The following PAK1 variants were observed in gnomAD, a reference collection of about 807,000 sequenced individuals.
The protein encoded by PAK1 is serine/threonine-protein kinase PAK 1.
In PAK1, 29 loss-of-function variants were observed where a neutral mutation model predicts 67.4. The observed-to-expected ratio is 0.43, with a 90% CI of 0.32 to 0.59. The LOEUF (loss-of-function observed/expected upper bound fraction) is 0.59. PAK1 is among the 20% of genes least tolerant of loss of function. The pLI, the probability that PAK1 is intolerant of heterozygous loss-of-function variation, is 0.07. For synonymous variants in PAK1, 223 were observed against 237.4 expected, an observed-to-expected ratio of 0.94 and a Z score of 0.56; for missense variants, 337 against 670.7, an observed-to-expected ratio of 0.50 and a Z score of 5.50.
At chr11:77,373,760 G>C (rs1265459580) in intron 5 of PAK1, among the ~76,000 whole-genome samples, 1 of 152,122 alleles carries the variant, frequency 6.6e-6, no homozygotes, top group Admixed American at 6.6e-5. Context: ...ACATCCATTT[G>C]AGTGTCAAAG....
the PAK1 span, among the ~76,000 whole-genome samples, chr11:77,493,445 ATTTTTTTT>A: frequency 2.8e-5 from 2 of 70,964 alleles, no homozygotes; most frequent in Admixed American, 1.6e-4. Context: ...TGCCCAGCTA[ATTTTTTTT>A]TTTTTTTTTT....
At chr11:77,413,663 A>C (rs1222100666) in intron 1 of PAK1, among the ~76,000 whole-genome samples, 1 of 152,052 alleles carries the variant, frequency 6.6e-6, no homozygotes, top group East Asian at 1.9e-4. Flanking sequence ...AGCCTGGGCA[A>C]CAAGAGCGAA....
chr11:77,400,254 G>A (rs1021065260), intron 1 of PAK1, among the ~76,000 whole-genome samples: 1 of 152,150 alleles, frequency 6.6e-6, no homozygotes, highest in African/African-American at 2.4e-5. Context: ...GTGGCAGAAT[G>A]CAACATAAAG....
the PAK1 span, among the ~76,000 whole-genome samples, chr11:77,516,080 C>G: frequency 4.1e-3 from 632 of 152,296 alleles, 5 homozygotes; most frequent in Middle Eastern, 0.014. Flanking sequence ...GCAATTTGGT[C>G]AAGTCACTTA....
chr11:77,493,445 ATTTTTTTTT>A, the PAK1 span, among the ~76,000 whole-genome samples: 284 of 70,944 alleles, frequency 4.0e-3, 4 homozygotes, highest in African/African-American at 0.019. Context: ...TGCCCAGCTA[ATTTTTTTTT>A]TTTTTTTTTT....
intron 1 of PAK1, among the ~76,000 whole-genome samples, chr11:77,392,817 C>A (rs1269486517): frequency 6.6e-6 from 1 of 152,176 alleles, no homozygotes; most frequent in Non-Finnish European, 1.5e-5. Context: ...TAGTTGAAAG[C>A]AGAAATTTGG....
the PAK1 span, among the ~76,000 whole-genome samples, chr11:77,516,835 T>A: frequency 1.7e-5 from 1 of 59,572 alleles, no homozygotes; most frequent in Non-Finnish European, 3.1e-5. Context: ...AGACCCCATC[T>A]CTCAAAAAAA....
At chr11:77,427,191 TGTCTCTGCAGAGACAGACTGAGG>T (rs1032010982) in intron 1 of PAK1, among the ~76,000 whole-genome samples, 3 of 152,182 alleles carry the variant, frequency 2.0e-5, no homozygotes, top group African/African-American at 7.2e-5. Context: ...TCAGCCTAAG[TGTCTCTGCAGAGACAGACTGAGG>T]GTCTCTGCAG....
intron 1 of PAK1, among the ~76,000 whole-genome samples, chr11:77,421,423 C>T (rs774301108): frequency 1.3e-5 from 2 of 152,210 alleles, no homozygotes; most frequent in African/African-American, 4.8e-5. Context: ...CCCCTCTACT[C>T]TATATCAGCA....
chr11:77,365,045 G>A lies in PAK1; in HGVS notation c.478-6028C>T, dbSNP rs553183410. 1.1e-4 allele frequency among the ~76,000 whole-genome samples: 17 copies of A among 152,042 alleles called. No homozygotes were observed. The East Asian group carries it at 1.9e-3, about 17-fold the overall frequency. On this transcript the variant is annotated intron_variant, in intron 5 of 14. Coordinates refer to ENST00000356341, the MANE Select transcript of PAK1 (RefSeq NM_002576.5). ...GGGCGGATCACGAAGTCAGGAGTTC[G>A]AGACCAGCCTGGCCAATATGGTGAA...
chr11:77,436,207 A>AGG (rs1956123649), intron 1 of PAK1, among the ~76,000 whole-genome samples: 1 of 152,198 alleles, frequency 6.6e-6, no homozygotes, highest in Non-Finnish European at 1.5e-5. Flanking sequence ...CTCAGCAGAC[A>AGG]CTTACTCTAT....
At chr11:77,385,169 T>TC (rs1950297115) in intron 2 of PAK1, among the ~76,000 whole-genome samples, 1 of 152,200 alleles carries the variant, frequency 6.6e-6, no homozygotes, top group African/African-American at 2.4e-5. Context: ...AGGGTATTCC[T>TC]CCTCACCACT....
intron 1 of PAK1, among the ~76,000 whole-genome samples, chr11:77,397,423 C>G (rs1187235187): frequency 6.6e-6 from 1 of 152,188 alleles, no homozygotes; most frequent in Non-Finnish European, 1.5e-5. Context: ...GCCATCGCCC[C>G]TGTAGAAGTC....
chr11:77,355,947 T>C, intron 6 of PAK1, 105 bp from the exon 7 acceptor site: 1 of 681,098 alleles, frequency 1.5e-6, no homozygotes, highest in Admixed American at 2.7e-5. Context: ...CCCAATAAAC[T>C]CATCCTTTCT....
At chr11:77,520,974 G>C in the PAK1 span, among the ~76,000 whole-genome samples, 1 of 152,138 alleles carries the variant, frequency 6.6e-6, no homozygotes, top group African/African-American at 2.4e-5. Context: ...GAAGGCCAAG[G>C]GAGTGGGAGT....
chr11:77,513,207 C>T, the PAK1 span, among the ~76,000 whole-genome samples: 125 of 152,178 alleles, frequency 8.2e-4, no homozygotes, highest in African/African-American at 2.7e-3. Flanking sequence ...CCTCATTTTT[C>T]TCATTTGTAT....
chr11:77,377,843 T>G (rs1949299660), intron 4 of PAK1, among the ~76,000 whole-genome samples: 1 of 152,200 alleles, frequency 6.6e-6, no homozygotes, highest in East Asian at 1.9e-4. Flanking sequence ...TAGAAAACTT[T>G]CCCACTCAGT....
intron 1 of PAK1, among the ~76,000 whole-genome samples, chr11:77,395,906 C>T (rs960263382): frequency 6.6e-6 from 1 of 152,172 alleles, no homozygotes; most frequent in East Asian, 1.9e-4. Context: ...CCTCAGCTCC[C>T]GCAAGAGAAC....
At chr11:77,402,502 C>G (rs190689517) in intron 1 of PAK1, among the ~76,000 whole-genome samples, 157 of 152,272 alleles carry the variant, frequency 1.0e-3, no homozygotes, top group Middle Eastern at 3.4e-3. Flanking sequence ...CCCAATAATT[C>G]AGGCAAAAAT....
Sources: gnomAD v4.1 joint callset for allele counts (sites outside exome capture counted in the v4.1 genomes callset) on GRCh38, gnomAD v4.1.1 for gene constraint, MANE v1.5 for transcripts, NCBI Gene and HGNC (gene_info 2026-07-23, HGNC 2026-07-21) for gene names.